Variants in KCNQ5 observed in about 807,000 individuals in gnomAD.
KCNQ5 encodes potassium voltage-gated channel subfamily KQT member 5.
In KCNQ5, 30 loss-of-function variants were observed where a neutral mutation model predicts 98.2. That is an observed-to-expected ratio of 0.31 (90% confidence interval 0.23 to 0.41). The LOEUF is 0.41. Ranked by LOEUF, KCNQ5 falls within the 10% of genes least tolerant of loss-of-function variation. The pLI is 1.00. For synonymous variants in KCNQ5, 458 were observed against 449.4 expected (o/e 1.02, Z -0.24); for missense variants, 835 against 1,182.5 (o/e 0.71, Z 4.31).
chr6:72,946,663 CT>C (rs1189976070), intron 1 of KCNQ5, among the ~76,000 whole-genome samples: 1 of 152,178 alleles, frequency 6.6e-6, no homozygotes, highest in East Asian at 1.9e-4. Context: ...ACATTTATTT[CT>C]TCTCTGCCTT....
At chr6:73,047,676 CT>C (rs1562146518) in intron 3 of KCNQ5, among the ~76,000 whole-genome samples, 1 of 152,176 alleles carries the variant, frequency 6.6e-6, no homozygotes, top group Non-Finnish European at 1.5e-5. Context: ...ACATTCTGTA[CT>C]ATCACATGTT....
intron 1 of KCNQ5, among the ~76,000 whole-genome samples, chr6:72,695,669 A>C (rs1768454937): frequency 6.6e-6 from 1 of 152,038 alleles, no homozygotes. Flanking sequence ...ATTATGTATG[A>C]TTTTATATAA....
chr6:73,063,561 T>G (rs962129078), intron 3 of KCNQ5, among the ~76,000 whole-genome samples: 1 of 151,954 alleles, frequency 6.6e-6, no homozygotes, highest in Admixed American at 6.6e-5. Context: ...GAGGGAAAAT[T>G]TTGGTAAGGA....
intron 5 of KCNQ5, among the ~76,000 whole-genome samples, chr6:73,100,520 A>AAG: frequency 6.6e-6 from 1 of 150,914 alleles, no homozygotes; most frequent in South Asian, 2.1e-4. Context: ...ACAAAAAAAA[A>AAG]TAGCTGGGCG....
intron 10 of KCNQ5, among the ~76,000 whole-genome samples, chr6:73,141,253 G>A (rs9446850): frequency 0.065 from 9,875 of 152,122 alleles, 1,066 homozygotes; most frequent in African/African-American, 0.22. Flanking sequence ...ATTTATTAGG[G>A]CTCTGCCCTC....
chr6:72,748,067 G>A (rs547672107), intron 1 of KCNQ5, among the ~76,000 whole-genome samples: 27 of 152,224 alleles, frequency 1.8e-4, no homozygotes, highest in African/African-American at 6.5e-4. Context: ...TAAGAATAAA[G>A]TGTGGTTTGG....
intron 9 of KCNQ5, among the ~76,000 whole-genome samples, chr6:73,126,710 G>T (rs1236664360): frequency 6.6e-6 from 1 of 151,930 alleles, no homozygotes; most frequent in South Asian, 2.1e-4. Flanking sequence ...TGAACATTTG[G>T]CAAAAACCAC....
chr6:72,921,057 G>A (rs1562068774), intron 1 of KCNQ5, among the ~76,000 whole-genome samples: 1 of 152,042 alleles, frequency 6.6e-6, no homozygotes, highest in Admixed American at 6.6e-5. Flanking sequence ...GCCAGAAAGG[G>A]GCTTATTGTC....
intron 10 of KCNQ5, among the ~76,000 whole-genome samples, chr6:73,161,834 G>T (rs1440717903): frequency 1.3e-5 from 2 of 152,076 alleles, no homozygotes; most frequent in Non-Finnish European, 2.9e-5. Flanking sequence ...AGTCCAAGTG[G>T]CCCTTTCCAA....
At chr6:73,071,063 G>A (rs1283246060) in intron 3 of KCNQ5, among the ~76,000 whole-genome samples, 2 of 152,054 alleles carry the variant, frequency 1.3e-5, no homozygotes. Context: ...ATCTAAAACA[G>A]GAGGGGGATG....
At chr6:72,848,268 A>G (rs868853295) in intron 1 of KCNQ5, among the ~76,000 whole-genome samples, 7 of 151,834 alleles carry the variant, frequency 4.6e-5, no homozygotes, top group Middle Eastern at 6.8e-3. Flanking sequence ...TACGTGTGCC[A>G]TGGTGGTTTG....
At chr6:72,647,638 C>G (rs1765665359) in intron 1 of KCNQ5, among the ~76,000 whole-genome samples, 1 of 152,088 alleles carries the variant, frequency 6.6e-6, no homozygotes, top group African/African-American at 2.4e-5. Flanking sequence ...GCATGTAATG[C>G]CCCTGACCTC....
chr6:72,959,883 T>C (rs1227151953), intron 1 of KCNQ5, among the ~76,000 whole-genome samples: 4 of 152,220 alleles, frequency 2.6e-5, no homozygotes, highest in Non-Finnish European at 5.9e-5. Flanking sequence ...TGAGTGTGTT[T>C]AATTTCTTAA....
intron 1 of KCNQ5, among the ~76,000 whole-genome samples, chr6:72,982,601 C>T (rs962841949): frequency 4.7e-5 from 7 of 148,926 alleles, no homozygotes; most frequent in Middle Eastern, 3.5e-3. Context: ...GAATACAGCA[C>T]ACTGATGGGT....
intron 5 of KCNQ5, among the ~76,000 whole-genome samples, chr6:73,082,263 A>C (rs1180711620): frequency 1.3e-5 from 2 of 152,356 alleles, no homozygotes; most frequent in East Asian, 3.9e-4. Context: ...AACTGTGGCA[A>C]GAAATGGCAG....
intron 1 of KCNQ5, among the ~76,000 whole-genome samples, chr6:72,768,584 G>A (rs928789081): frequency 3.3e-5 from 5 of 152,032 alleles, no homozygotes; most frequent in African/African-American, 1.2e-4. Context: ...GAGAGAATGA[G>A]TCCACATGGA....
At chr6:72,835,401 A>G (rs2150127605) in intron 1 of KCNQ5, among the ~76,000 whole-genome samples, 1 of 152,212 alleles carries the variant, frequency 6.6e-6, no homozygotes, top group Middle Eastern at 3.4e-3. Flanking sequence ...GGTCGAGGCC[A>G]TTTTTCCCTT....
rs372169609 is a variant in KCNQ5, at chr6:72,795,879, G to GTA, written c.398+173306_398+173307dup. On this transcript the variant is annotated intron_variant, in intron 1 of 13. Transcript: ENST00000370398. ...TGAAAAGTAATTCTAACTTCTTTTT[G>GTA]TATATATATATATATGTTCCTCTGC... Among the ~76,000 whole-genome samples, 284 of 149,828 alleles carry GTA rather than the reference G, an allele frequency of 1.9e-3. 1 individual carries two copies. The South Asian group carries it at 0.02, about 11-fold the overall frequency.
At position 72,905,208 on chromosome 6, in the gene KCNQ5, C is replaced by T. The variant is rs1253688102; in HGVS notation, c.399-98700C>T. Reference sequence around the variant, plus strand: ...CATTTTGCATTTCTATAAGTGCATCCGATGCTTCCGGAAGTTTTGATTTTT... The same window carrying T: ...CATTTTGCATTTCTATAAGTGCATCTGATGCTTCCGGAAGTTTTGATTTTT... On this transcript the variant is annotated intron_variant, in intron 1 of 13. Coordinates refer to ENST00000370398, the MANE Select transcript of KCNQ5 (RefSeq NM_019842.4). Among the ~76,000 whole-genome samples the T allele has an allele frequency of 3.3e-5, 5 of 152,144 alleles. 1 individual carries two copies. In the South Asian group the frequency reaches 8.3e-4, roughly 25 times the overall value.
Sources: allele counts gnomAD v4.1 joint callset (sites outside exome capture counted in the v4.1 genomes callset), GRCh38; gene constraint gnomAD v4.1.1; transcripts MANE v1.5; gene names NCBI Gene and HGNC (gene_info 2026-07-23, HGNC 2026-07-21).